CAPN11: variants seen among roughly 807,000 people sequenced by gnomAD.
CAPN11 encodes calpain 11.
CAPN11 carries 108 observed loss-of-function variants against 105.3 expected under a neutral mutation model. The observed-to-expected ratio is 1.03, with a 90% CI of 0.88 to 1.20. The LOEUF is 1.20. Ranked by LOEUF, CAPN11 falls within the 50% of genes most tolerant of loss-of-function variation. The pLI is 0.00. For synonymous variants in CAPN11, 329 were observed against 344.5 expected, an observed-to-expected ratio of 0.96 and a Z score of 0.50; for missense variants, 883 against 924.8, an observed-to-expected ratio of 0.95 and a Z score of 0.59.
chr6:44,176,318 G>T lies in CAPN11; in HGVS notation c.981G>T (p.Trp327Cys). ...GGAATCCCTGGGGCCGGATTGAGTG[G>T]AATGGAGCTTGGAGTGACAGGTAGG... is the stretch of plus-strand genomic sequence containing the variant. Reference protein sequence around the residue: ...RVRNPWGRIEWNGAWSDSARE... With the variant: ...RVRNPWGRIECNGAWSDSARE... Residue 327 changes from tryptophan to cysteine, a missense_variant, in exon 9 of 23, where the codon TGG becomes TGT. By Grantham distance (215) the Trp-to-Cys change is radical. Transcript: ENST00000398776. 2 of 1,613,910 alleles carry T rather than the reference G, an allele frequency of 1.2e-6. No homozygotes were observed. The highest frequency in any genetic ancestry group is 8.5e-7 in the Non-Finnish European group (1 of 1,179,854).
At chr6:44,179,470 C>T in intron 12 of CAPN11, 149 bp from the exon 13 acceptor site, 1 of 728,224 alleles carries the variant, frequency 1.4e-6, no homozygotes. Context: ...GCCCGTGCCC[C>T]ACTCCACCAC....
intron 2 of CAPN11, among the ~76,000 whole-genome samples, chr6:44,167,262 G>T (rs62401791): frequency 0.3 from 45,556 of 151,686 alleles, 8,584 homozygotes; most frequent in Non-Finnish European, 0.42. Flanking sequence ...ACTTTGGGAG[G>T]CTGAGGCAGG....
chr6:44,160,262 A>G (rs1768493252), intron 1 of CAPN11, among the ~76,000 whole-genome samples: 1 of 152,254 alleles, frequency 6.6e-6, no homozygotes. Context: ...CATATTTCAA[A>G]ACACCATGTC....
chr6:44,175,910 G>C (rs1202130412), intron 7 of CAPN11, among the ~76,000 whole-genome samples, 158 bp from the exon 8 acceptor site: 1 of 152,114 alleles, frequency 6.6e-6, no homozygotes, highest in Non-Finnish European at 1.5e-5. Context: ...TGTTACAATT[G>C]CATGTGAATC....
rs376552677 is a variant in CAPN11, at chr6:44,183,848, G to A, written c.2194-58G>A. 431 of 992,294 alleles carry A rather than the reference G, an allele frequency of 4.3e-4. 4 individuals carry two copies. The East Asian group carries it at 9.8e-3, about 23-fold the overall frequency. The allele number at this position is 992,294 out of a possible 1,614,324, so 61.5% of individuals were successfully genotyped here. ...ACCCCCACCCAGCTCTGATGTCCCC[G>A]GGCCAGCATCCTGCCCCCGTCTCTT... On this transcript the variant is annotated intron_variant, in intron 22 of 22. Coordinates refer to ENST00000398776, the MANE Select transcript of CAPN11 (RefSeq NM_007058.4).
chr6:44,182,045 A>ACT (rs1773696188), intron 19 of CAPN11, among the ~76,000 whole-genome samples: 2 of 29,730 alleles, frequency 6.7e-5, no homozygotes, highest in African/African-American at 4.5e-4. Context: ...ACCACACCAC[A>ACT]CACACACATA....
chr6:44,179,122 T>G (rs1048283421), intron 12 of CAPN11, among the ~76,000 whole-genome samples: 1 of 152,168 alleles, frequency 6.6e-6, no homozygotes, highest in Non-Finnish European at 1.5e-5. Flanking sequence ...CTGCAGGATA[T>G]GAGTGTTCCA....
intron 2 of CAPN11, among the ~76,000 whole-genome samples, chr6:44,168,418 C>T (rs1302090049): frequency 1.3e-5 from 2 of 149,438 alleles, no homozygotes; most frequent in South Asian, 2.1e-4. Flanking sequence ...TACAGGCGCC[C>T]GCCACCACGC....
chr6:44,169,161 TA>T, intron 2 of CAPN11, 119 bp from the exon 3 acceptor site: 1 of 1,167,096 alleles, frequency 8.6e-7, no homozygotes, highest in East Asian at 2.6e-5. Flanking sequence ...CTCAAACTCC[TA>T]GGCTGAAGAG....
At chr6:44,169,624 C>T in intron 3 of CAPN11, 93 bp downstream of exon 3, 2 of 1,307,880 alleles carry the variant, frequency 1.5e-6, no homozygotes, top group Non-Finnish European at 1.0e-6. Flanking sequence ...TTCAACCCCC[C>T]ACTACCCCAT....
chr6:44,164,566 G>A (rs1769467811), intron 1 of CAPN11, among the ~76,000 whole-genome samples: 1 of 152,202 alleles, frequency 6.6e-6, no homozygotes, highest in Non-Finnish European at 1.5e-5. Flanking sequence ...AGTGTAGGAT[G>A]CTAGCGCAGC....
chr6:44,164,380 A>C (rs559262883), intron 1 of CAPN11, among the ~76,000 whole-genome samples: 9 of 152,134 alleles, frequency 5.9e-5, no homozygotes, highest in Non-Finnish European at 1.3e-4. Flanking sequence ...TGAACAATTA[A>C]CCACAATACC....
At chr6:44,181,195 C>T (rs1773077587) in intron 18 of CAPN11, 57 bp from the exon 19 acceptor site, 3 of 1,528,428 alleles carry the variant, frequency 2.0e-6, no homozygotes, top group African/African-American at 2.7e-5. Flanking sequence ...CCGCTGCTTC[C>T]CTATCCCCTG....
intron 1 of CAPN11, among the ~76,000 whole-genome samples, chr6:44,160,335 T>G (rs1349617583): frequency 1.3e-5 from 2 of 151,754 alleles, no homozygotes. Flanking sequence ...AAAAACGATC[T>G]GGCCGGGCGC....
chr6:44,180,914 CCCCTT>C lies in CAPN11; in HGVS notation c.1805-11_1805-7del. On this transcript the variant is annotated splice_polypyrimidine_tract_variant and intron_variant, in intron 17 of 22. Coordinates refer to ENST00000398776, the MANE Select transcript of CAPN11 (RefSeq NM_007058.4). ...TCATTTACCCTGTCTCTCCTTTCTACCCCTTCCCTTCCTCACAGTCAAAAGCTTCA... is the reference window on the plus strand; with the variant it reads ...TCATTTACCCTGTCTCTCCTTTCTACCCCTTCCTCACAGTCAAAAGCTTCA... 1 of 1,612,990 alleles carries C rather than the reference CCCCTT, an allele frequency of 6.2e-7. No homozygotes were observed. The highest frequency in any genetic ancestry group is 8.5e-7 in the Non-Finnish European group (1 of 1,179,064).
intron 7 of CAPN11, among the ~76,000 whole-genome samples, chr6:44,174,332 T>C (rs1222483581): frequency 1.3e-5 from 2 of 152,078 alleles, no homozygotes; most frequent in Admixed American, 6.6e-5. Context: ...GAACAAACTA[T>C]TGATACTCAG....
At chr6:44,165,748 G>A (rs1213457478) in intron 1 of CAPN11, among the ~76,000 whole-genome samples, 2 of 152,196 alleles carry the variant, frequency 1.3e-5, no homozygotes, top group Admixed American at 1.3e-4. Flanking sequence ...GGTCTGTACT[G>A]GGAGTAGTGG....
intron 19 of CAPN11, among the ~76,000 whole-genome samples, chr6:44,181,964 CAT>C (rs1341524023): frequency 1.5e-3 from 108 of 69,938 alleles, no homozygotes; most frequent in Non-Finnish European, 2.0e-3. Context: ...CACACACACA[CAT>C]ACACACTCAC....
At position 44,176,932 on chromosome 6, in the gene CAPN11, C is replaced by T. The variant is rs1473800844; in HGVS notation, c.1171C>T (p.His391Tyr). The T allele has an allele frequency of 6.2e-7, 1 of 1,613,962 alleles. No homozygotes were observed. Among genetic ancestry groups the T allele is most frequent in the South Asian group, 1.1e-5 (1 of 91,080 alleles). ...CTCTGGGGACTACAAGAGCTACTGG[C>T]ACACCACCTTCTACGAGGGCAGCTG... ...TLSGDYKSYW[H>Y]TTFYEGSWRR... Residue 391 changes from histidine (H) to tyrosine (Y), a missense_variant, in exon 11 of 23, where the codon CAC becomes TAC. By Grantham distance (83) the His-to-Tyr change is moderately conservative (BLOSUM62 2). Coordinates refer to ENST00000398776, the MANE Select transcript of CAPN11 (RefSeq NM_007058.4).
Sources: gnomAD v4.1 joint callset for allele counts (sites outside exome capture counted in the v4.1 genomes callset) on GRCh38, gnomAD v4.1.1 for gene constraint, MANE v1.5 for transcripts, NCBI Gene and HGNC (gene_info 2026-07-23, HGNC 2026-07-21) for gene names.